CCDC102B: variants seen among roughly 807,000 people sequenced by gnomAD.
CCDC102B encodes the protein coiled-coil domain-containing protein 102B.
In CCDC102B, 75 loss-of-function variants were observed where a neutral mutation model predicts 57.4. The ratio of observed to expected loss-of-function variants is 1.31; its 90% CI spans 1.08 to 1.58. The LOEUF (loss-of-function observed/expected upper bound fraction) is 1.58. Ranked by LOEUF, CCDC102B falls within the 40% of genes most tolerant of loss-of-function variation. The pLI, the probability that CCDC102B is intolerant of heterozygous loss-of-function variation, is 0.00. For missense variants in CCDC102B, 636 were observed against 582.6 expected (o/e 1.09, Z -0.94); for synonymous variants, 206 against 201.9 (o/e 1.02, Z -0.17).
intron 5 of CCDC102B, among the ~76,000 whole-genome samples, chr18:68,885,345 A>G (rs1195362337): frequency 2.0e-5 from 3 of 152,114 alleles, no homozygotes; most frequent in African/African-American, 7.2e-5. Context: ...AGAGAATTAG[A>G]AAAACAAAAT....
At chr18:68,996,169 C>T (rs1365366376) in intron 6 of CCDC102B, among the ~76,000 whole-genome samples, 2 of 152,164 alleles carry the variant, frequency 1.3e-5, no homozygotes, top group East Asian at 1.9e-4. Context: ...CACCTACAAT[C>T]AGGGTGGGCA....
intron 5 of CCDC102B, among the ~76,000 whole-genome samples, chr18:68,885,148 C>T (rs937124701): frequency 6.6e-6 from 1 of 151,786 alleles, no homozygotes; most frequent in Non-Finnish European, 1.5e-5. Context: ...AAATATTGCT[C>T]TTAGGACATG....
At chr18:68,797,103 A>G (rs1194687537), upstream of CCDC102B, among the ~76,000 whole-genome samples, 1 of 151,908 alleles carries the variant, frequency 6.6e-6, no homozygotes, top group African/African-American at 2.4e-5. Flanking sequence ...GAGGAGAGAG[A>G]ATCATGATTA....
chr18:69,014,007 G>A (rs1326219781), intron 7 of CCDC102B, among the ~76,000 whole-genome samples: 1 of 152,148 alleles, frequency 6.6e-6, no homozygotes, highest in Non-Finnish European at 1.5e-5. Flanking sequence ...CAAAAATAGT[G>A]TAGGGATAAG....
chr18:69,057,190 T>C (rs2052832025), downstream of CCDC102B, among the ~76,000 whole-genome samples: 1 of 152,122 alleles, frequency 6.6e-6, no homozygotes, highest in African/African-American at 2.4e-5. Context: ...TTTTATGTTT[T>C]TGTTATGGCA....
chr18:68,800,312 G>T (rs946028702), intron 1 of CCDC102B, among the ~76,000 whole-genome samples: 6 of 152,072 alleles, frequency 3.9e-5, no homozygotes, highest in Non-Finnish European at 8.8e-5. Flanking sequence ...GTTTGAAGTG[G>T]ACACTGGGAT....
At chr18:68,830,629 G>A (rs1221287743) in intron 1 of CCDC102B, among the ~76,000 whole-genome samples, 1 of 150,960 alleles carries the variant, frequency 6.6e-6, no homozygotes, top group East Asian at 1.9e-4. Context: ...ATATAATATT[G>A]TATATTATGT....
chr18:68,912,473 A>G (rs1003974456), intron 6 of CCDC102B, among the ~76,000 whole-genome samples: 4 of 152,238 alleles, frequency 2.6e-5, no homozygotes, highest in Admixed American at 1.3e-4. Context: ...TGAGTCAGAA[A>G]CTTTAGATGT....
intron 7 of CCDC102B, among the ~76,000 whole-genome samples, chr18:69,022,291 GCA>G (rs569332359): frequency 5.4e-5 from 8 of 149,000 alleles, no homozygotes; most frequent in African/African-American, 7.4e-5. Flanking sequence ...ATATATGTGG[GCA>G]CACACACACA....
chr18:69,055,947 T>A (rs1206953839), downstream of CCDC102B, among the ~76,000 whole-genome samples: 3 of 152,102 alleles, frequency 2.0e-5, no homozygotes, highest in African/African-American at 7.2e-5. Flanking sequence ...GATAGACCAA[T>A]GAGACAGCTC....
chr18:68,899,053 T>C (rs2040343588), intron 6 of CCDC102B, among the ~76,000 whole-genome samples: 1 of 151,968 alleles, frequency 6.6e-6, no homozygotes, highest in Non-Finnish European at 1.5e-5. Flanking sequence ...TCTAAGTCAG[T>C]GGGTATGCTG....
chr18:69,034,046 CTT>C (rs1409547957), intron 7 of CCDC102B, among the ~76,000 whole-genome samples: 3 of 151,700 alleles, frequency 2.0e-5, no homozygotes, highest in African/African-American at 7.3e-5. Flanking sequence ...ATTGGTTTGT[CTT>C]TTTATAATTT....
intron 2 of CCDC102B, among the ~76,000 whole-genome samples, chr18:68,765,449 AAG>A (rs2144600553): frequency 6.6e-6 from 1 of 151,234 alleles, no homozygotes; most frequent in Non-Finnish European, 1.5e-5. Context: ...AGGAAGGAGA[AAG>A]AGGAAGAAAG....
chr18:68,748,205 G>GGTATGTGTGTGTGTGT lies in CCDC102B; in HGVS notation c.-67+31613_-67+31614insATGTGTGTGTGTGTGT, dbSNP rs530957083. Among the ~76,000 whole-genome samples, 373 of 137,592 alleles carry GGTATGTGTGTGTGTGT rather than the reference G, an allele frequency of 2.7e-3. 14 individuals carry two copies. The highest frequency in any genetic ancestry group is 3.8e-3 in the Non-Finnish European group (245 of 63,862). The allele number at this position is 137,592 out of a possible 152,430, so 90.3% of individuals were successfully genotyped here. Reference sequence around the variant, plus strand: ...TAGGTACTTTGTCCATTATTAAACTGGTGTGTGTGTGTGTGTGTGTGTGTG... The same window carrying GGTATGTGTGTGTGTGT: ...TAGGTACTTTGTCCATTATTAAACTGGTATGTGTGTGTGTGTGTGTGTGTGTGTGTGTGTGTGTGTG... On this transcript the variant is annotated intron_variant, in intron 2 of 3. Coordinates refer to the CCDC102B transcript ENST00000578970.
chr18:68,864,529 T>C (rs933825572), intron 4 of CCDC102B, among the ~76,000 whole-genome samples: 2 of 152,062 alleles, frequency 1.3e-5, no homozygotes, highest in African/African-American at 4.8e-5. Context: ...ATTCTTGGTT[T>C]TCCTGCATCA....
chr18:68,724,925 G>C (rs1298566012), intron 2 of CCDC102B, among the ~76,000 whole-genome samples: 1 of 152,182 alleles, frequency 6.6e-6, no homozygotes, highest in Non-Finnish European at 1.5e-5. Context: ...CTGCGATGAG[G>C]AAATACCTGA....
At chr18:68,765,353 G>GAA (rs1250958129) in intron 2 of CCDC102B, among the ~76,000 whole-genome samples, 9 of 119,540 alleles carry the variant, frequency 7.5e-5, no homozygotes, top group African/African-American at 2.2e-4. Flanking sequence ...AAGAAAGAAA[G>GAA]AAAGAAAGAA....
rs202184930 is a variant in CCDC102B, at chr18:68,716,885, TG to T, written c.-67+293del. Reference sequence around the variant, plus strand: ...CGAGGTCAAGAGATCGAGACCATCCTGGCTAACACAGTGAAACCCCGTCTCT... The same window carrying T: ...CGAGGTCAAGAGATCGAGACCATCCTGCTAACACAGTGAAACCCCGTCTCT... On this transcript the variant is annotated intron_variant, in intron 2 of 3. Coordinates refer to the CCDC102B transcript ENST00000578970. Among the ~76,000 whole-genome samples the T allele has an allele frequency of 5.3e-5, 8 of 152,074 alleles. No homozygotes were observed. In the East Asian group the frequency reaches 1.2e-3, roughly 22 times the overall value.
chr18:68,719,898 T>G (rs991383474), intron 2 of CCDC102B, among the ~76,000 whole-genome samples: 2 of 152,196 alleles, frequency 1.3e-5, no homozygotes, highest in Non-Finnish European at 2.9e-5. Context: ...CCATTTCACT[T>G]GTGAACAAAA....
Sources: gnomAD v4.1 joint callset for allele counts (sites outside exome capture counted in the v4.1 genomes callset) on GRCh38, gnomAD v4.1.1 for gene constraint, MANE v1.5 for transcripts, NCBI Gene and HGNC (gene_info 2026-07-23, HGNC 2026-07-21) for gene names.